EPHB1: variants seen among roughly 807,000 people sequenced by gnomAD.
The protein encoded by EPHB1 is EPH receptor B1, also known as ephrin type-B receptor 1.
A neutral mutation model predicts 94.4 loss-of-function variants in EPHB1; 30 were observed. That is an observed-to-expected ratio of 0.32 (90% confidence interval 0.24 to 0.43). The LOEUF is 0.43. EPHB1 is among the 20% of genes least tolerant of loss of function. The pLI is 1.00. For synonymous variants in EPHB1, 522 were observed against 489.1 expected, an observed-to-expected ratio of 1.07 and a Z score of -0.89; for missense variants, 1,055 against 1,308.3, an observed-to-expected ratio of 0.81 and a Z score of 2.99.
intron 13 of EPHB1, among the ~76,000 whole-genome samples, chr3:135,245,676 C>G (rs1167672052): frequency 6.6e-6 from 1 of 151,706 alleles, no homozygotes; most frequent in Admixed American, 6.6e-5. Context: ...CATAATGGTG[C>G]ATGCCTGTAG....
chr3:134,953,212 C>T (rs1171322432), intron 3 of EPHB1, among the ~76,000 whole-genome samples: 1 of 152,226 alleles, frequency 6.6e-6, no homozygotes, highest in African/African-American at 2.4e-5. Context: ...TTACCTTGCT[C>T]CCCAGACACC....
At chr3:135,012,965 G>T (rs1460077834) in intron 3 of EPHB1, among the ~76,000 whole-genome samples, 1 of 152,098 alleles carries the variant, frequency 6.6e-6, no homozygotes, top group Admixed American at 6.5e-5. Flanking sequence ...CAGGGACTTT[G>T]CTGGAAGTAT....
chr3:135,162,936 T>C (rs1559857285), intron 7 of EPHB1, among the ~76,000 whole-genome samples: 1 of 152,222 alleles, frequency 6.6e-6, no homozygotes. Context: ...TTTATGTAAT[T>C]ATTTGTGTAT....
intron 1 of EPHB1, among the ~76,000 whole-genome samples, chr3:134,842,823 A>G (rs2036801363): frequency 6.6e-6 from 1 of 152,198 alleles, no homozygotes; most frequent in African/African-American, 2.4e-5. Flanking sequence ...CTCCCCCATG[A>G]AGCATGTCCT....
chr3:134,919,125 A>G (rs1000072073), intron 1 of EPHB1, among the ~76,000 whole-genome samples: 1 of 152,240 alleles, frequency 6.6e-6, no homozygotes, highest in African/African-American at 2.4e-5. Context: ...AAGATGCTGT[A>G]AAGGAAGAAA....
At chr3:135,147,990 CTGAG>C (rs1274306197) in intron 5 of EPHB1, among the ~76,000 whole-genome samples, 1 of 152,164 alleles carries the variant, frequency 6.6e-6, no homozygotes, top group Non-Finnish European at 1.5e-5. Flanking sequence ...CAACTGAAGT[CTGAG>C]TGTATGTACG....
At chr3:135,228,148 A>G (rs1306202672) in intron 12 of EPHB1, among the ~76,000 whole-genome samples, 2 of 152,166 alleles carry the variant, frequency 1.3e-5, no homozygotes, top group Admixed American at 1.3e-4. Context: ...CTAGTACAGG[A>G]TCCAGTCTAG....
At chr3:135,052,951 A>ATGTG (rs1212457827) in intron 3 of EPHB1, among the ~76,000 whole-genome samples, 4 of 124,848 alleles carry the variant, frequency 3.2e-5, no homozygotes, top group African/African-American at 1.3e-4. Context: ...GTGTATATAT[A>ATGTG]TATATGTGTG....
chr3:135,110,638 T>G (rs539667222), intron 4 of EPHB1, among the ~76,000 whole-genome samples: 9 of 152,360 alleles, frequency 5.9e-5, no homozygotes, highest in African/African-American at 2.2e-4. Flanking sequence ...AACTCAGGTC[T>G]GTCTGACTCT....
intron 3 of EPHB1, among the ~76,000 whole-genome samples, chr3:135,105,171 G>T (rs540288544): frequency 6.6e-6 from 1 of 152,318 alleles, no homozygotes; most frequent in Non-Finnish European, 1.5e-5. Flanking sequence ...ATACATTTGA[G>T]ATTAGCTTTC....
intron 6 of EPHB1, 62 bp from the exon 7 acceptor site, chr3:135,161,956 A>G: frequency 6.5e-7 from 1 of 1,530,700 alleles, no homozygotes; most frequent in Non-Finnish European, 8.8e-7. Context: ...TCCAGGGTGG[A>G]GTGGGCTGGG....
chr3:134,825,553 C>A (rs1295022446), intron 1 of EPHB1, among the ~76,000 whole-genome samples: 1 of 152,202 alleles, frequency 6.6e-6, no homozygotes, highest in Non-Finnish European at 1.5e-5. Flanking sequence ...TGTGAATTCA[C>A]CAGTTTGTAC....
At chr3:135,023,290 A>G (rs541601286) in intron 3 of EPHB1, among the ~76,000 whole-genome samples, 1 of 152,234 alleles carries the variant, frequency 6.6e-6, no homozygotes, top group Non-Finnish European at 1.5e-5. Context: ...CTTAAAATAC[A>G]TCTCCCATGG....
intron 3 of EPHB1, among the ~76,000 whole-genome samples, chr3:135,070,616 T>C (rs1472928298): frequency 6.6e-6 from 1 of 152,170 alleles, no homozygotes; most frequent in Non-Finnish European, 1.5e-5. Flanking sequence ...CATTTGCTTA[T>C]TATTATGAGG....
chr3:134,915,587 A>T (rs36202), intron 1 of EPHB1, among the ~76,000 whole-genome samples: 1 of 151,816 alleles, frequency 6.6e-6, no homozygotes, highest in Admixed American at 6.6e-5. Context: ...TACAGTTCTT[A>T]AAGGCGGCGT....
intron 3 of EPHB1, among the ~76,000 whole-genome samples, chr3:135,064,888 T>C (rs1345287536): frequency 6.6e-6 from 1 of 152,130 alleles, no homozygotes; most frequent in Non-Finnish European, 1.5e-5. Context: ...ATCCCAGAGG[T>C]TTTGATAGGT....
At chr3:135,002,675 G>A (rs1181760177) in intron 3 of EPHB1, among the ~76,000 whole-genome samples, 1 of 152,098 alleles carries the variant, frequency 6.6e-6, no homozygotes, top group Non-Finnish European at 1.5e-5. Flanking sequence ...CTTCTTCCTG[G>A]TTTAGTCTTG....
chr3:135,249,400 T>G lies in EPHB1; in HGVS notation c.2755T>G (p.Trp919Gly). 1 of 1,614,048 alleles carries G rather than the reference T, an allele frequency of 6.2e-7. No homozygotes were observed. The highest frequency in any genetic ancestry group is 8.5e-7 in the Non-Finnish European group (1 of 1,179,894). The change falls in exon 15 of 16, where the codon TGG becomes GGG. Residue 919 changes from tryptophan (W) to glycine (G), a missense_variant. Coordinates refer to ENST00000398015, the MANE Select transcript of EPHB1 (RefSeq NM_004441.5). ...DFTAFTTVDD[W>G]LSAIKMVQYR... ...CACGGCCTTTACCACCGTGGATGAC[T>G]GGCTCAGCGCCATCAAAATGGTCCA...
intron 15 of EPHB1, among the ~76,000 whole-genome samples, chr3:135,254,244 CA>C (rs1369281896): frequency 1.4e-5 from 1 of 73,918 alleles, no homozygotes; most frequent in African/African-American, 4.8e-5. Flanking sequence ...CAACTTCCAA[CA>C]CTATGTTGAA....
Sources: gnomAD v4.1 joint callset for allele counts (sites outside exome capture counted in the v4.1 genomes callset) on GRCh38, gnomAD v4.1.1 for gene constraint, MANE v1.5 for transcripts, NCBI Gene and HGNC (gene_info 2026-07-23, HGNC 2026-07-21) for gene names.